Variants in CAPN12 observed in about 807,000 individuals in gnomAD.
CAPN12 encodes the protein calpain 12, also known as calpain-12.
In CAPN12, 107 loss-of-function variants were observed where a neutral mutation model predicts 95.0. The observed-to-expected ratio is 1.13, with a 90% CI of 0.96 to 1.32. The LOEUF is 1.32. Ranked by LOEUF, CAPN12 falls within the 40% of genes most tolerant of loss-of-function variation. CAPN12 has a pLI of 0.00. For missense variants in CAPN12, 1,136 were observed against 997.8 expected, an observed-to-expected ratio of 1.14 and a Z score of -1.87; for synonymous variants, 505 against 415.5, an observed-to-expected ratio of 1.22 and a Z score of -2.62.
At chr19:38,742,216 C>T (rs2145266706) in intron 3 of CAPN12, 194 bp downstream of exon 3, 1 of 628,452 alleles carries the variant, frequency 1.6e-6, no homozygotes, top group African/African-American at 1.8e-5. Context: ...ATCCCAGCTA[C>T]TCAGGAGGCT....
Position 38,737,657 on chromosome 19 carries a change from A to G in CAPN12, c.966-19T>C. The G allele has an allele frequency of 6.4e-7, 1 of 1,553,182 alleles. No homozygotes were observed. Among genetic ancestry groups the G allele is most frequent in the Non-Finnish European group, 8.7e-7 (1 of 1,147,770 alleles). ...CTCCATCCTGCACGGTGGCCCAGTC[A>G]GACCCTGCCCGGCCCCACCTCGAGG... On this transcript the variant is annotated intron_variant, in intron 8 of 20. Coordinates refer to ENST00000328867, the MANE Select transcript of CAPN12 (RefSeq NM_144691.4).
intron 5 of CAPN12, 119 bp from the exon 6 acceptor site, chr19:38,738,767 C>T (rs538843147): frequency 8.9e-4 from 727 of 813,260 alleles, no homozygotes; most frequent in Non-Finnish European, 1.4e-3. Context: ...CTGAATGGCA[C>T]GCAGCTCAGA....
chr19:38,730,654 A>C lies in CAPN12; in HGVS notation c.*198T>G. ...GACTAGCTCGTGTCATCTGCTCGAG[A>C]AGGGCTGTCGCTGTTCTTGTTTCTG... On this transcript the variant is annotated 3_prime_UTR_variant, in exon 21 of 21. Coordinates refer to ENST00000328867, the MANE Select transcript of CAPN12 (RefSeq NM_144691.4). 3.1e-6 allele frequency: 2 copies of C among 645,656 alleles called. No homozygotes were observed. Among genetic ancestry groups the C allele is most frequent in the East Asian group, 5.5e-5 (2 of 36,694 alleles). The allele number at this position is 645,656 out of a possible 1,614,324, so 40.0% of individuals were successfully genotyped here.
chr19:38,734,055 T>G, intron 17 of CAPN12, 87 bp downstream of exon 17: 1 of 1,458,138 alleles, frequency 6.9e-7, no homozygotes, highest in Non-Finnish European at 9.4e-7. Flanking sequence ...CCTCGTTCCC[T>G]GGGGACCTGA....
In CAPN12 at chr19:38,737,664, GC is replaced by G. The variant is rs544453599; in HGVS notation, c.966-27del. The G allele has an allele frequency of 8.0e-4, 1,221 of 1,535,076 alleles. 1 individual carries two copies. Among genetic ancestry groups the G allele is most frequent in the Non-Finnish European group, 1.0e-3 (1,157 of 1,139,864 alleles). The stretch of plus-strand genomic sequence containing the variant: ...CTGCACGGTGGCCCAGTCAGACCCT[GC>G]CCGGCCCCACCTCGAGGGGGTCCCA... On this transcript the variant is annotated intron_variant, in intron 8 of 20. Transcript: ENST00000328867.
At position 38,730,263 on chromosome 19, in the gene CAPN12, T is replaced by C. The variant is rs541743616; in HGVS notation, c.*589A>G. On this transcript the variant is annotated 3_prime_UTR_variant, in exon 21 of 21. Coordinates refer to ENST00000328867, the MANE Select transcript of CAPN12 (RefSeq NM_144691.4). ...ATATATTCACCTAGCAACATATCTC[T>C]GCCGTCTCTCCTGCTCTCATAATGA... 8.8e-5 allele frequency: 14 copies of C among 158,942 alleles called. No individual in the cohort carries two copies. The highest frequency in any genetic ancestry group is 1.8e-4 in the Admixed American group (3 of 16,630). The allele number at this position is 158,942 out of a possible 1,614,324, so 9.8% of individuals were successfully genotyped here. A position where few individuals can be genotyped will look rare whatever the true frequency, so the allele number is the denominator to read the frequency against.
rs368225374 is a variant in CAPN12, at chr19:38,738,434, C to T, written c.874G>A (p.Gly292Arg). 4 of 1,610,286 alleles carry T rather than the reference C, an allele frequency of 2.5e-6. No individual in the cohort carries two copies. Among genetic ancestry groups the T allele is most frequent in the Non-Finnish European group, 2.5e-6 (3 of 1,178,372 alleles). Residue 292 changes from glycine (G) to arginine (R), a missense_variant, in exon 7 of 21, where the codon GGG becomes AGG. By Grantham distance (125) the Gly-to-Arg change is moderately radical. Coordinates refer to ENST00000328867, the MANE Select transcript of CAPN12 (RefSeq NM_144691.4). ...RNPWGCVEWT[G>R]AWSDSCPRWD... ...CCATCCCACCTGTCGCTCCAGGCCCCCGTCCACTCCACGCAGCCCCATGGG... is the reference window on the plus strand; with the variant it reads ...CCATCCCACCTGTCGCTCCAGGCCCTCGTCCACTCCACGCAGCCCCATGGG...
intron 4 of CAPN12, 70 bp from the exon 5 acceptor site, chr19:38,740,289 T>A: frequency 7.2e-7 from 1 of 1,396,994 alleles, no homozygotes; most frequent in Non-Finnish European, 9.6e-7. Flanking sequence ...CCCTGGGATC[T>A]GCAGGGGCCT....
intron 4 of CAPN12, 106 bp downstream of exon 4, chr19:38,741,671 G>A: frequency 7.2e-7 from 1 of 1,387,226 alleles, no homozygotes; most frequent in Non-Finnish European, 9.7e-7. Context: ...GATTCTTGGT[G>A]GGGTGTTTGG....
intron 11 of CAPN12, 38 bp from the exon 12 acceptor site, chr19:38,736,356 C>G: frequency 1.4e-6 from 2 of 1,467,436 alleles, no homozygotes; most frequent in Non-Finnish European, 1.8e-6. Flanking sequence ...CCAGGCTCAC[C>G]CCCGGCCCTT....
In CAPN12 at chr19:38,740,189, G is replaced by A. The variant is rs147659204; in HGVS notation, c.591C>T (p.Gly197=). 71 of 1,610,562 alleles carry A rather than the reference G, an allele frequency of 4.4e-5. No homozygotes were observed. Among genetic ancestry groups the A allele is most frequent in the Non-Finnish European group, 5.3e-5 (62 of 1,178,522 alleles). Residue 197 remains glycine, a synonymous_variant, in exon 5 of 21, where the codon GGC becomes GGT. Transcript: ENST00000328867. The part of the protein sequence containing the change: ...KLHGSYEVMR[G]GHMNEAFVDF... ...CCACAAAAGCCTCATTCATGTGGCC[G>A]CCCCGCATCACCTCATAGGAGCCGT...
chr19:38,733,022 G>A (rs1208444998), intron 18 of CAPN12: 8 of 152,160 alleles, frequency 5.3e-5, no homozygotes, highest in Non-Finnish European at 8.8e-5. Flanking sequence ...TGGGGCTTTT[G>A]GTAATGAAAG....
At position 38,735,525 on chromosome 19, in the gene CAPN12, TG is replaced by T. The variant is rs1568774988; in HGVS notation, c.1602del (p.Ser535AlafsTer41). Reference protein sequence around the residue: ...RHTAVEIDDVISADLQSLQGP... With the variant: ...RHTAVEIDDVXSADLQSLQGP... ...ACCTGGAGAGACTGCAGGTCTGCGC[TG>T]ATCACGTCGTCGATCTCCCTGCAAA... On this transcript the variant is annotated frameshift_variant, in exon 13 of 21. Transcript: ENST00000328867. LOFTEE classifies it high-confidence loss of function. 2 of 1,610,670 alleles carry T rather than the reference TG, an allele frequency of 1.2e-6. No individual in the cohort carries two copies. Among genetic ancestry groups the T allele is most frequent in the Admixed American group, 3.3e-5 (2 of 59,854 alleles).
At chr19:38,742,968 G>T in intron 2 of CAPN12, 65 bp downstream of exon 2, 1 of 1,500,498 alleles carries the variant, frequency 6.7e-7, no homozygotes, top group Non-Finnish European at 9.3e-7. Context: ...CAAAGGGATG[G>T]AGCTGTCAGG....
intron 8 of CAPN12, 106 bp downstream of exon 8, chr19:38,738,165 TAC>T (rs1216794613): frequency 3.3e-5 from 37 of 1,121,330 alleles, no homozygotes; most frequent in Middle Eastern, 2.9e-4. Context: ...ACCACCGATG[TAC>T]ACAGTTTCTC....
chr19:38,742,376 A>C, intron 3 of CAPN12, 34 bp downstream of exon 3: 2 of 1,425,852 alleles, frequency 1.4e-6, no homozygotes, highest in African/African-American at 2.8e-5. Flanking sequence ...ACCATGGGGG[A>C]AACGGAGGCA....
At chr19:38,735,154 G>A (rs1263676976) in intron 14 of CAPN12, 5 of 605,052 alleles carry the variant, frequency 8.3e-6, no homozygotes, top group Non-Finnish European at 8.7e-6. Context: ...GAGGTGTCAG[G>A]AGGGAGAGGG....
At chr19:38,731,981 G>A (rs1014710850) in intron 18 of CAPN12, among the ~76,000 whole-genome samples, 1 of 152,264 alleles carries the variant, frequency 6.6e-6, no homozygotes. Flanking sequence ...CTGCCCTCGG[G>A]CATAGGGGTG....
At chr19:38,731,079 T>G (rs746854847) in intron 19 of CAPN12, 28 bp downstream of exon 19, 2 of 1,081,156 alleles carry the variant, frequency 1.8e-6, no homozygotes, top group East Asian at 4.7e-5. Context: ...CTTCCCCCCA[T>G]GCCCCACCAT....
Sources: allele counts gnomAD v4.1 joint callset (sites outside exome capture counted in the v4.1 genomes callset), GRCh38; gene constraint gnomAD v4.1.1; transcripts MANE v1.5; gene names NCBI Gene and HGNC (gene_info 2026-07-23, HGNC 2026-07-21).